DSCAM: variants seen among roughly 807,000 people sequenced by gnomAD.
DSCAM encodes the protein DS cell adhesion molecule, also known as cell adhesion molecule DSCAM.
A neutral mutation model predicts 217.7 loss-of-function variants in DSCAM; 47 were observed. The ratio of observed to expected loss-of-function variants is 0.22; its 90% CI spans 0.17 to 0.28. The LOEUF (loss-of-function observed/expected upper bound fraction) is 0.28, where lower values mean the gene tolerates loss of function less well. Among genes scored for constraint, DSCAM ranks in the 10% least tolerant of loss-of-function variants. The pLI is 1.00. For missense variants in DSCAM, 2,080 were observed against 2,618.3 expected (o/e 0.79, Z 4.49); for synonymous variants, 1,056 against 1,015.3 (o/e 1.04, Z -0.76).
At chr21:40,075,283 G>A in intron 26 of DSCAM, 70 bp from the exon 27 acceptor site, 6 of 1,550,338 alleles carry the variant, frequency 3.9e-6, no homozygotes, top group Non-Finnish European at 5.3e-6. Flanking sequence ...AGGGATGACA[G>A]GTTATAAAAA....
intron 1 of DSCAM, among the ~76,000 whole-genome samples, chr21:40,806,134 C>A (rs992893527): frequency 9.2e-5 from 14 of 152,234 alleles, no homozygotes; most frequent in Non-Finnish European, 2.1e-4. Flanking sequence ...TCATGATTTA[C>A]TATCCCTGGA....
rs144563510 is a variant in DSCAM, at chr21:40,235,541, G to C, written c.2356+40556C>G. 4.9e-3 allele frequency among the ~76,000 whole-genome samples: 743 copies of C among 152,164 alleles called. 4 individuals carry two copies. Among genetic ancestry groups the C allele is most frequent in the African/African-American group, 0.016 (656 of 41,514 alleles). ...GCAAGAGAGCTCAGCTGAAATAATG[G>C]AAAACAGAATTTAGTTCTCAAGGAC... is the stretch of plus-strand genomic sequence containing the variant. On this transcript the variant is annotated intron_variant, in intron 11 of 32. Coordinates refer to ENST00000400454, the MANE Select transcript of DSCAM (RefSeq NM_001389.5).
At chr21:40,637,378 A>AATATAT (rs2089795225) in intron 3 of DSCAM, among the ~76,000 whole-genome samples, 2 of 25,894 alleles carry the variant, frequency 7.7e-5, no homozygotes, top group African/African-American at 1.5e-4. Context: ...AATATATATA[A>AATATAT]ATATAAATAT....
chr21:40,065,940 C>T (rs550109846), intron 27 of DSCAM, among the ~76,000 whole-genome samples: 6 of 152,196 alleles, frequency 3.9e-5, no homozygotes, highest in African/African-American at 9.6e-5. Flanking sequence ...GCTCCGCTGC[C>T]GCTCACTTGT....
chr21:40,412,390 T>A (rs2075331388), intron 3 of DSCAM, among the ~76,000 whole-genome samples: 1 of 152,184 alleles, frequency 6.6e-6, no homozygotes, highest in African/African-American at 2.4e-5. Context: ...AGAGCCTAGT[T>A]GAATGGCTTT....
chr21:40,045,163 C>T (rs78879466), intron 30 of DSCAM, among the ~76,000 whole-genome samples: 374 of 152,282 alleles, frequency 2.5e-3, no homozygotes, highest in African/African-American at 8.4e-3. Flanking sequence ...GGTGGTACTA[C>T]GTTAAAACAG....
At chr21:40,368,331 T>TC (rs2074855981) in intron 4 of DSCAM, among the ~76,000 whole-genome samples, 1 of 152,190 alleles carries the variant, frequency 6.6e-6, no homozygotes, top group Admixed American at 6.5e-5. Context: ...CTAATTCATT[T>TC]TTCCCCCAAA....
chr21:40,201,934 A>C (rs1014954074), intron 11 of DSCAM, among the ~76,000 whole-genome samples: 1 of 152,210 alleles, frequency 6.6e-6, no homozygotes, highest in Non-Finnish European at 1.5e-5. Flanking sequence ...CCAGTTTTTA[A>C]GGTGACCTGT....
chr21:40,799,615 C>G (rs554133916), intron 1 of DSCAM, among the ~76,000 whole-genome samples: 7 of 152,272 alleles, frequency 4.6e-5, no homozygotes, highest in Non-Finnish European at 8.8e-5. Flanking sequence ...CCTTTTTCAG[C>G]TTGTAAAGCT....
At chr21:40,742,524 G>T (rs1381896210) in intron 1 of DSCAM, among the ~76,000 whole-genome samples, 1 of 152,206 alleles carries the variant, frequency 6.6e-6, no homozygotes, top group Admixed American at 6.5e-5. Flanking sequence ...TTGTACTTCT[G>T]TCCTTCAGAG....
At chr21:40,072,334 G>A (rs1019065301) in intron 27 of DSCAM, among the ~76,000 whole-genome samples, 53 of 150,892 alleles carry the variant, frequency 3.5e-4, no homozygotes, top group African/African-American at 1.2e-3. Flanking sequence ...CATCCTGACC[G>A]CCCTCCTGTC....
chr21:40,284,498 A>G (rs1569041204), intron 10 of DSCAM, among the ~76,000 whole-genome samples: 1 of 152,234 alleles, frequency 6.6e-6, no homozygotes, highest in East Asian at 1.9e-4. Context: ...TCTGGTTTAC[A>G]TTTTACCAGT....
At chr21:40,508,777 ATATATATTT>A (rs2076234430) in intron 3 of DSCAM, among the ~76,000 whole-genome samples, 3 of 4,330 alleles carry the variant, frequency 6.9e-4, no homozygotes, top group African/African-American at 5.3e-3. Flanking sequence ...ATATATATAT[ATATATATTT>A]TTTTTTTTTT....
At chr21:40,468,895 C>T (rs62225475) in intron 3 of DSCAM, among the ~76,000 whole-genome samples, 17,948 of 151,822 alleles carry the variant, frequency 0.12, 1,105 homozygotes, top group Middle Eastern at 0.2. Context: ...GAAATTCCAG[C>T]GGGAGAGAAA....
intron 17 of DSCAM, 77 bp from the exon 18 acceptor site, chr21:40,142,781 T>C: frequency 1.3e-6 from 2 of 1,502,950 alleles, no homozygotes; most frequent in South Asian, 1.3e-5. Flanking sequence ...AGCAACGTAT[T>C]TTAATATTTC....
rs1223456067 is a variant in DSCAM, at chr21:40,026,313, A to G, written c.5687-12927T>C. Reference sequence around the variant, plus strand: ...CCAAGTATGTGGTCAATTTTGGAATAGGTGTGGTGTGGTGCTGAAAAAAAT... The same window carrying G: ...CCAAGTATGTGGTCAATTTTGGAATGGGTGTGGTGTGGTGCTGAAAAAAAT... On this transcript the variant is annotated intron_variant, in intron 32 of 32. Transcript: ENST00000400454. Among the ~76,000 whole-genome samples, 6 of 140,366 alleles carry G rather than the reference A, an allele frequency of 4.3e-5. 1 individual carries two copies. The highest frequency in any genetic ancestry group is 1.5e-4 in the African/African-American group (6 of 38,756). The allele number at this position is 140,366 out of a possible 152,430, so 92.1% of individuals were successfully genotyped here.
chr21:40,708,809 A>G, intron 1 of DSCAM, 38 bp from the exon 2 acceptor site: 1 of 1,377,534 alleles, frequency 7.3e-7, no homozygotes, highest in Non-Finnish European at 9.6e-7. Flanking sequence ...AGGTGAGTAA[A>G]ACATGCCTTT....
chr21:40,586,105 C>T (rs1338982196), intron 3 of DSCAM, among the ~76,000 whole-genome samples: 1 of 152,178 alleles, frequency 6.6e-6, no homozygotes, highest in Non-Finnish European at 1.5e-5. Context: ...GATCCATCCA[C>T]CTCAGCCTCC....
chr21:40,036,870 A>G (rs1245242670), intron 32 of DSCAM, among the ~76,000 whole-genome samples: 2 of 150,208 alleles, frequency 1.3e-5, no homozygotes, highest in Non-Finnish European at 2.9e-5. Context: ...ATATACACAT[A>G]TCAATAAATG....
Sources: gnomAD v4.1 joint callset for allele counts (sites outside exome capture counted in the v4.1 genomes callset) on GRCh38, gnomAD v4.1.1 for gene constraint, MANE v1.5 for transcripts, NCBI Gene and HGNC (gene_info 2026-07-23, HGNC 2026-07-21) for gene names.